SOX5: variants seen among roughly 807,000 people sequenced by gnomAD.
SOX5 encodes SRY-box transcription factor 5.
In SOX5, 9 loss-of-function variants were observed where a neutral mutation model predicts 92.0. The observed-to-expected ratio is 0.10, with a 90% CI of 0.06 to 0.17. The LOEUF (loss-of-function observed/expected upper bound fraction) is 0.17. Ranked by LOEUF, SOX5 falls within the 10% of genes least tolerant of loss-of-function variation. The pLI, the probability that SOX5 is intolerant of heterozygous loss-of-function variation, is 1.00. For synonymous variants in SOX5, 344 were observed against 336.3 expected (o/e 1.02, Z -0.25); for missense variants, 642 against 944.5 (o/e 0.68, Z 4.20).
At chr12:23,900,552 C>A (rs533883284) in intron 1 of SOX5, among the ~76,000 whole-genome samples, 1 of 152,104 alleles carries the variant, frequency 6.6e-6, no homozygotes, top group African/African-American at 2.4e-5. Flanking sequence ...AATACTGATC[C>A]CTGGGTTTTA....
chr12:24,156,077 G>A (rs889525322), intron 4 of SOX5, among the ~76,000 whole-genome samples: 2 of 152,048 alleles, frequency 1.3e-5, no homozygotes, highest in South Asian at 2.1e-4. Context: ...ATTTTCCTCC[G>A]AGCACACATT....
intron 2 of SOX5, among the ~76,000 whole-genome samples, chr12:24,352,431 C>T (rs1954202600): frequency 6.6e-6 from 1 of 152,122 alleles, no homozygotes; most frequent in Admixed American, 6.6e-5. Context: ...AGCGGGGTCC[C>T]ACAGGTTCAT....
At chr12:24,427,757 G>C (rs1324331557) in intron 1 of SOX5, among the ~76,000 whole-genome samples, 1 of 152,136 alleles carries the variant, frequency 6.6e-6, no homozygotes, top group Non-Finnish European at 1.5e-5. Flanking sequence ...AACAGTAAAA[G>C]ACTAACAGGC....
chr12:23,710,650 T>C (rs1009782836), intron 6 of SOX5, among the ~76,000 whole-genome samples: 1 of 152,222 alleles, frequency 6.6e-6, no homozygotes. Context: ...TTGTTGGACA[T>C]TTGGGTTGGT....
intron 5 of SOX5, among the ~76,000 whole-genome samples, chr12:23,737,155 A>G (rs1480717863): frequency 6.6e-6 from 1 of 151,786 alleles, no homozygotes. Context: ...GACCACTTCA[A>G]CCTCCCACGT....
intron 4 of SOX5, among the ~76,000 whole-genome samples, chr12:24,038,658 T>C (rs117207856): frequency 2.5e-3 from 385 of 152,342 alleles, no homozygotes; most frequent in Non-Finnish European, 4.4e-3. Context: ...AACATATTTT[T>C]ATCCATTTCT....
intron 1 of SOX5, among the ~76,000 whole-genome samples, chr12:24,516,149 C>A (rs1288408008): frequency 6.6e-6 from 1 of 151,426 alleles, no homozygotes; most frequent in African/African-American, 2.4e-5. Context: ...CTAAAGCGAT[C>A]CTCCCACCTC....
At chr12:24,532,394 A>C (rs1951276756) in intron 1 of SOX5, among the ~76,000 whole-genome samples, 1 of 152,216 alleles carries the variant, frequency 6.6e-6, no homozygotes, top group Non-Finnish European at 1.5e-5. Context: ...CTGAAGAAAC[A>C]GAGAAAAATG....
At chr12:24,289,516 G>A (rs1460884950) in intron 2 of SOX5, among the ~76,000 whole-genome samples, 1 of 118,532 alleles carries the variant, frequency 8.4e-6, no homozygotes, top group East Asian at 2.3e-4. Context: ...TGCAGTGGCG[G>A]GATCTCGGCT....
chr12:24,340,257 G>T (rs992257661), intron 2 of SOX5, among the ~76,000 whole-genome samples: 3 of 152,156 alleles, frequency 2.0e-5, no homozygotes, highest in Non-Finnish European at 4.4e-5. Flanking sequence ...TGAATAATCT[G>T]CTTTGAAAGG....
chr12:23,928,345 G>C (rs1263191666), intron 1 of SOX5, among the ~76,000 whole-genome samples: 1 of 151,934 alleles, frequency 6.6e-6, no homozygotes, highest in Non-Finnish European at 1.5e-5. Context: ...CAGTACTCGG[G>C]TGTGGCCAAG....
At chr12:23,979,876 CCTGGCTGG>C (rs71059955) in intron 4 of SOX5, among the ~76,000 whole-genome samples, 2,343 of 132,848 alleles carry the variant, frequency 0.018, 86 homozygotes, top group African/African-American at 0.054. Context: ...TGCTACCATG[CCTGGCTGG>C]CTGGCTGGCT....
chr12:24,336,455 C>T (rs919557842), intron 2 of SOX5, among the ~76,000 whole-genome samples: 5 of 151,948 alleles, frequency 3.3e-5, no homozygotes, highest in African/African-American at 1.2e-4. Context: ...CAACACTGTA[C>T]CAAGAATGTT....
intron 1 of SOX5, among the ~76,000 whole-genome samples, chr12:24,465,811 T>C (rs1050977829): frequency 1.4e-4 from 21 of 152,214 alleles, no homozygotes; most frequent in South Asian, 6.2e-4. Context: ...AAATCATTCA[T>C]GGTCCACCAT....
chr12:23,840,903 G>A (rs367668382), intron 3 of SOX5, among the ~76,000 whole-genome samples: 20 of 152,040 alleles, frequency 1.3e-4, no homozygotes, highest in African/African-American at 4.8e-4. Context: ...AGACAAGATA[G>A]GAGAAAATCT....
chr12:23,709,497 C>A (rs2091818997), intron 6 of SOX5, among the ~76,000 whole-genome samples: 1 of 152,130 alleles, frequency 6.6e-6, no homozygotes, highest in Non-Finnish European at 1.5e-5. Flanking sequence ...AAAATGTACT[C>A]AAAGGGCAAT....
intron 2 of SOX5, among the ~76,000 whole-genome samples, chr12:24,294,362 C>G (rs1023064898): frequency 2.6e-5 from 4 of 152,028 alleles, no homozygotes; most frequent in African/African-American, 9.7e-5. Flanking sequence ...TTTCTCTTCT[C>G]TCTACCAGAT....
intron 4 of SOX5, among the ~76,000 whole-genome samples, chr12:24,037,825 A>C (rs1956188516): frequency 6.6e-6 from 1 of 152,172 alleles, no homozygotes; most frequent in African/African-American, 2.4e-5. Context: ...GCAACTTACA[A>C]CACCACTTCC....
At chr12:23,872,258 C>T (rs374015924) in intron 2 of SOX5, among the ~76,000 whole-genome samples, 10 of 149,992 alleles carry the variant, frequency 6.7e-5, no homozygotes, top group South Asian at 4.2e-4. Context: ...GTGATCCGCC[C>T]GCCTCGGCCT....
Sources: allele counts gnomAD v4.1 joint callset (sites outside exome capture counted in the v4.1 genomes callset), GRCh38; gene constraint gnomAD v4.1.1; transcripts MANE v1.5; gene names NCBI Gene and HGNC (gene_info 2026-07-23, HGNC 2026-07-21).